VWDE: variants seen among roughly 807,000 people sequenced by gnomAD.
The protein encoded by VWDE is von Willebrand factor D and EGF domains.
VWDE carries 207 observed loss-of-function variants against 178.4 expected under a neutral mutation model. The observed-to-expected ratio is 1.16, with a 90% CI of 1.04 to 1.30. The LOEUF is 1.30. Among genes scored for constraint, VWDE ranks in the 50% most tolerant of loss-of-function variants. The probability of loss-of-function intolerance (pLI) is 0.00; values close to 1 mark genes in which losing one functional copy is unlikely to be tolerated. For missense variants in VWDE, 2,287 were observed against 1,901.3 expected (o/e 1.20, Z -3.77); for synonymous variants, 738 against 651.4 (o/e 1.13, Z -2.02).
chr7:12,361,571 T>C (rs1355210596), intron 13 of VWDE, 50 bp from the exon 14 acceptor site: 1 of 1,447,134 alleles, frequency 6.9e-7, no homozygotes, highest in Admixed American at 2.7e-5. Context: ...TATGGAAATA[T>C]TTTGTTAGTA....
chr7:12,363,466 G>A (rs2128553894), intron 13 of VWDE, among the ~76,000 whole-genome samples: 1 of 152,122 alleles, frequency 6.6e-6, no homozygotes, highest in East Asian at 1.9e-4. Flanking sequence ...GTAGAGTCTT[G>A]ACTGCTTTGG....
Position 12,344,400 on chromosome 7 carries a change from C to G in VWDE, c.3956G>C (p.Gly1319Ala). 6.4e-7 allele frequency: 1 copy of G among 1,550,696 alleles called. No homozygotes were observed. Among genetic ancestry groups the G allele is most frequent in the Non-Finnish European group, 8.7e-7 (1 of 1,146,432 alleles). Reference sequence around the variant, plus strand: ...AGTTTGGCAGTTAGAACCAATGTAACCAGGTTTACATTTGCAGATGTTTGG... The same window carrying G: ...AGTTTGGCAGTTAGAACCAATGTAAGCAGGTTTACATTTGCAGATGTTTGG... ...VAPNICKCKP[G>A]YIGSNCQTAL... The change falls in exon 20 of 29, where the codon GGT (glycine) becomes GCT (alanine). Residue 1319 changes from glycine to alanine, a missense_variant. By Grantham distance (60) the Gly-to-Ala change is moderately conservative (BLOSUM62 0). Transcript: ENST00000275358.
At chr7:12,376,402 A>G (rs1783532212) in intron 7 of VWDE, among the ~76,000 whole-genome samples, 1 of 152,122 alleles carries the variant, frequency 6.6e-6, no homozygotes, top group African/African-American at 2.4e-5. Context: ...TTCTTCAACA[A>G]ACAAAAGCCA....
chr7:12,340,642 A>C lies in VWDE; in HGVS notation c.4271-225T>G, dbSNP rs1195209582. On this transcript the variant is annotated intron_variant, in intron 23 of 28. Transcript: ENST00000275358. ...AGTTTACAAATAACACTAAGCTTAG[A>C]AAAGCTAGAAAGGGAGCTGGAATTT... Among the ~76,000 whole-genome samples, 7 of 152,208 alleles carry C rather than the reference A, an allele frequency of 4.6e-5. No individual in the cohort carries two copies. The East Asian group carries it at 1.3e-3, about 29-fold the overall frequency.
intron 13 of VWDE, among the ~76,000 whole-genome samples, chr7:12,367,119 C>T (rs1782900831): frequency 6.6e-6 from 1 of 151,856 alleles, no homozygotes; most frequent in South Asian, 2.1e-4. Flanking sequence ...ATTCTTTTAG[C>T]TTTTTAATAT....
intron 8 of VWDE, 73 bp downstream of exon 8, chr7:12,374,937 A>T: frequency 2.4e-5 from 34 of 1,414,000 alleles, no homozygotes; most frequent in Non-Finnish European, 3.2e-5. Flanking sequence ...TAAAAAGTTT[A>T]TAAGACATAA....
intron 15 of VWDE, 87 bp downstream of exon 15, chr7:12,361,060 T>G (rs1458191378): frequency 8.8e-6 from 7 of 791,376 alleles, no homozygotes; most frequent in Middle Eastern, 3.9e-4. Flanking sequence ...GGTATAAAAG[T>G]GAAAAAACTA....
At position 12,374,696 on chromosome 7, in the gene VWDE, C is replaced by G. The variant is rs1783412860; in HGVS notation, c.1309G>C (p.Asp437His). Residue 437 changes from aspartate to histidine, a missense_variant, in exon 9 of 29, where the codon GAT (aspartate) becomes CAT (histidine). Asp to His is a moderately conservative substitution (Grantham distance 81). Coordinates refer to ENST00000275358, the MANE Select transcript of VWDE (RefSeq NM_001135924.3). Reference sequence around the variant, plus strand: ...AAACTTTCAGAAAATTACCTGCCATCAAATGTAATTATATGTGGGTCAGTA... The same window carrying G: ...AAACTTTCAGAAAATTACCTGCCATGAAATGTAATTATATGTGGGTCAGTA... Reference protein sequence around the residue: ...TFTDPHIITFDGRVYDNFKTG... With the variant: ...TFTDPHIITFHGRVYDNFKTG... 6.5e-7 allele frequency: 1 copy of G among 1,532,874 alleles called. No individual in the cohort carries two copies. 95.0% of individuals were successfully genotyped at this position (1,532,874 alleles called of 1,614,324 possible).
intron 4 of VWDE, among the ~76,000 whole-genome samples, chr7:12,381,627 A>T (rs1035878961): frequency 1.3e-5 from 2 of 152,038 alleles, no homozygotes; most frequent in African/African-American, 4.8e-5. Context: ...TGACAAATGA[A>T]TTATTTTCAA....
chr7:12,385,302 G>A (rs930270606), intron 3 of VWDE, among the ~76,000 whole-genome samples: 5 of 152,084 alleles, frequency 3.3e-5, no homozygotes, highest in African/African-American at 1.2e-4. Flanking sequence ...CTAGATAGGG[G>A]CTATTGGTTG....
chr7:12,359,579 T>C lies in VWDE; in HGVS notation c.3273A>G (p.Glu1091=). 2 of 1,539,670 alleles carry C rather than the reference T, an allele frequency of 1.3e-6. No individual in the cohort carries two copies. Among genetic ancestry groups the C allele is most frequent in the Non-Finnish European group, 8.8e-7 (1 of 1,138,586 alleles). The change falls in exon 16 of 29, where the codon GAA becomes GAG. Residue 1091 remains glutamate (E), a splice_region_variant and synonymous_variant. Coordinates refer to ENST00000275358, the MANE Select transcript of VWDE (RefSeq NM_001135924.3). ...TTGGATTAATAAAGAGTAACTTACT[T>C]TCTAAAAATGACCAAGTAAATCTTG... The part of the protein sequence containing the change: ...KISRFTWSFL[E]NNQPPVIQAL...
chr7:12,388,826 T>G (rs1264305972), intron 3 of VWDE: 2 of 500,958 alleles, frequency 4.0e-6, no homozygotes, highest in Admixed American at 3.1e-5. Context: ...ATCCTTTAAT[T>G]AAAACAGGAA....
At chr7:12,372,903 C>A (rs188753095) in intron 10 of VWDE, 74 bp downstream of exon 10, 1 of 1,379,036 alleles carries the variant, frequency 7.3e-7, no homozygotes, top group Non-Finnish European at 9.9e-7. Flanking sequence ...AATGATAGCT[C>A]CTAATTTAAT....
At position 12,393,600 on chromosome 7, in the gene VWDE, A is replaced by T; in HGVS notation, c.237T>A (p.Cys79Ter). The T allele has an allele frequency of 6.5e-7, 1 of 1,547,746 alleles. No individual in the cohort carries two copies. Among genetic ancestry groups the T allele is most frequent in the Non-Finnish European group, 8.7e-7 (1 of 1,145,274 alleles). Residue 79 changes from cysteine (C) to a stop codon, truncating the protein, a stop_gained, in exon 2 of 29, where the codon TGT becomes TGA. Coordinates refer to ENST00000275358, the MANE Select transcript of VWDE (RefSeq NM_001135924.3). LOFTEE classifies it high-confidence loss of function. ...ACTTAGGGAGTTGACATACCTCAAC[A>T]CATTTGGTTGGCATCTCGGCAGGTC... ...LDRPAEMPTK[C>*]VEMNHCGTQA...
chr7:12,374,161 TAAC>T (rs1783380792), intron 9 of VWDE, among the ~76,000 whole-genome samples: 1 of 152,124 alleles, frequency 6.6e-6, no homozygotes, highest in East Asian at 1.9e-4. Context: ...CAGGTATTGA[TAAC>T]AAAATAGTTT....
intron 28 of VWDE, among the ~76,000 whole-genome samples, chr7:12,332,420 G>T (rs1234382732): frequency 1.4e-5 from 2 of 144,872 alleles, no homozygotes; most frequent in African/African-American, 5.7e-5. Flanking sequence ...ATCATATGAG[G>T]AAGGATTCAG....
intron 7 of VWDE, among the ~76,000 whole-genome samples, chr7:12,376,224 C>A (rs1783520323): frequency 6.6e-6 from 1 of 151,994 alleles, no homozygotes; most frequent in Non-Finnish European, 1.5e-5. Flanking sequence ...ACATCCATTC[C>A]TCAAGCCAAT....
intron 7 of VWDE, 102 bp from the exon 8 acceptor site, chr7:12,375,329 T>G (rs1156633092): frequency 2.9e-5 from 28 of 980,260 alleles, no homozygotes; most frequent in Non-Finnish European, 3.8e-5. Flanking sequence ...AAGATTATTC[T>G]CAAATTATTT....
chr7:12,380,350 G>GA (rs140551131), intron 5 of VWDE, 136 bp downstream of exon 5: 141,494 of 1,107,542 alleles, frequency 0.13, 6,514 homozygotes, highest in Non-Finnish European at 0.14. Flanking sequence ...CAATTGCAAG[G>GA]AAAAAAAAAC....
Sources: allele counts gnomAD v4.1 joint callset (sites outside exome capture counted in the v4.1 genomes callset), GRCh38; gene constraint gnomAD v4.1.1; transcripts MANE v1.5; gene names NCBI Gene and HGNC (gene_info 2026-07-23, HGNC 2026-07-21).